The following FER variants were observed in gnomAD, a reference collection of about 807,000 sequenced individuals.
FER encodes the protein FER tyrosine kinase.
In FER, 63 loss-of-function variants were observed where a neutral mutation model predicts 111.0. The ratio of observed to expected loss-of-function variants is 0.57; its 90% CI spans 0.46 to 0.70. The LOEUF is 0.70. Ranked by LOEUF, FER falls within the 30% of genes least tolerant of loss-of-function variation. The probability of loss-of-function intolerance (pLI) is 0.00; values close to 1 mark genes in which losing one functional copy is unlikely to be tolerated. For missense variants in FER, 914 were observed against 954.0 expected (o/e 0.96, Z 0.55); for synonymous variants, 327 against 313.9 (o/e 1.04, Z -0.44).
chr5:108,761,719 C>T (rs962914175), intron 1 of FER, among the ~76,000 whole-genome samples: 3 of 152,004 alleles, frequency 2.0e-5, no homozygotes, highest in South Asian at 2.1e-4. Context: ...TGCAGAAAGT[C>T]GAAGTGCAAT....
rs138732566 is a variant in FER at position 108,998,039 on chromosome 5, T to C, written c.1656+38692T>C. 4.4e-4 allele frequency among the ~76,000 whole-genome samples: 67 copies of C among 152,116 alleles called. 1 individual carries two copies. Among genetic ancestry groups the C allele is most frequent in the African/African-American group, 1.5e-3 (62 of 41,504 alleles). On this transcript the variant is annotated intron_variant, in intron 13 of 19. Transcript: ENST00000281092. ...TCAACTGCTGTGCTGGCAGTGAGAATTTTATGCCAGTGGATCTTAGCTTGC... is the reference window on the plus strand; with the variant it reads ...TCAACTGCTGTGCTGGCAGTGAGAACTTTATGCCAGTGGATCTTAGCTTGC...
intron 10 of FER, among the ~76,000 whole-genome samples, chr5:108,925,149 C>G (rs1330050506): frequency 6.6e-6 from 1 of 150,478 alleles, no homozygotes; most frequent in Non-Finnish European, 1.5e-5. Flanking sequence ...AGATTTTAAA[C>G]TGAGCCATGT....
chr5:109,182,956 C>T (rs1191270639), intron 18 of FER, among the ~76,000 whole-genome samples: 2 of 152,168 alleles, frequency 1.3e-5, no homozygotes, highest in East Asian at 3.9e-4. Flanking sequence ...GTCCTCCCAC[C>T]TCATCCTCCA....
chr5:108,865,891 A>G (rs1050013132), intron 5 of FER, among the ~76,000 whole-genome samples: 5 of 152,210 alleles, frequency 3.3e-5, no homozygotes, highest in Non-Finnish European at 7.3e-5. Context: ...ATGAGATACC[A>G]TCTCACACCA....
intron 17 of FER, among the ~76,000 whole-genome samples, chr5:109,105,751 C>T (rs1748838852): frequency 6.6e-6 from 1 of 152,154 alleles, no homozygotes; most frequent in Non-Finnish European, 1.5e-5. Flanking sequence ...ATTAGTAACC[C>T]TAACAGCTGG....
At chr5:109,161,247 A>G (rs1359706750) in intron 17 of FER, among the ~76,000 whole-genome samples, 1 of 152,006 alleles carries the variant, frequency 6.6e-6, no homozygotes, top group Non-Finnish European at 1.5e-5. Context: ...TAAAATTATG[A>G]GGCCATAAGT....
chr5:108,808,790 A>G (rs931906631), intron 3 of FER, among the ~76,000 whole-genome samples: 1 of 152,052 alleles, frequency 6.6e-6, no homozygotes, highest in Admixed American at 6.6e-5. Context: ...CCTGGTATAG[A>G]ATTCTGTTAG....
At chr5:109,064,301 A>T (rs754032779) in intron 16 of FER, among the ~76,000 whole-genome samples, 2 of 151,784 alleles carry the variant, frequency 1.3e-5, no homozygotes, top group African/African-American at 2.4e-5. Context: ...TTTTAGATAT[A>T]CTCTCTTAGT....
chr5:108,975,356 A>G (rs1761199450), intron 13 of FER, among the ~76,000 whole-genome samples: 1 of 152,226 alleles, frequency 6.6e-6, no homozygotes, highest in African/African-American at 2.4e-5. Flanking sequence ...ACCATGACAC[A>G]TGTATACCTA....
At chr5:109,127,978 G>T (rs1751928849) in intron 17 of FER, among the ~76,000 whole-genome samples, 1 of 152,002 alleles carries the variant, frequency 6.6e-6, no homozygotes, top group South Asian at 2.1e-4. Context: ...TGTTTTTACA[G>T]TACTGCTTTA....
intron 10 of FER, among the ~76,000 whole-genome samples, chr5:108,933,243 T>C (rs558856223): frequency 1.6e-3 from 246 of 152,358 alleles, no homozygotes; most frequent in African/African-American, 5.7e-3. Flanking sequence ...CGTTTAAGTC[T>C]TTAATCTATC....
At chr5:109,149,035 C>T (rs1017023572) in intron 17 of FER, among the ~76,000 whole-genome samples, 11 of 152,084 alleles carry the variant, frequency 7.2e-5, no homozygotes, top group African/African-American at 2.7e-4. Context: ...CAATCAGGGT[C>T]TCTAAAAGGT....
chr5:108,757,072 A>G (rs1162813029), intron 1 of FER, among the ~76,000 whole-genome samples: 1 of 152,210 alleles, frequency 6.6e-6, no homozygotes, highest in Non-Finnish European at 1.5e-5. Flanking sequence ...TTATAAAATG[A>G]TACTGGGATT....
intron 3 of FER, among the ~76,000 whole-genome samples, chr5:108,829,593 C>T (rs566217037): frequency 1.1e-4 from 16 of 152,220 alleles, no homozygotes; most frequent in East Asian, 3.9e-4. Context: ...GAGCCATGAT[C>T]GTGCCATTGC....
rs144068288 is a variant in FER at position 109,123,444 on chromosome 5, A to G, written c.2048+22925A>G. 1.0e-3 allele frequency among the ~76,000 whole-genome samples: 156 copies of G among 150,602 alleles called. 1 individual carries two copies. The East Asian group carries it at 0.027, about 26-fold the overall frequency. On this transcript the variant is annotated intron_variant, in intron 17 of 19. Transcript: ENST00000281092. ...TGCTGGGATTACAGGTGTGAGCCACATCACCCAGCCTTGTTTTTTTGTTGG... is the reference window on the plus strand; with the variant it reads ...TGCTGGGATTACAGGTGTGAGCCACGTCACCCAGCCTTGTTTTTTTGTTGG...
chr5:108,936,177 G>A (rs1216372361), intron 10 of FER, among the ~76,000 whole-genome samples: 1 of 151,936 alleles, frequency 6.6e-6, no homozygotes, highest in Non-Finnish European at 1.5e-5. Flanking sequence ...GATTCATTGG[G>A]AGCAAAGGGA....
At chr5:109,021,964 TATAA>T (rs1387071280) in intron 13 of FER, among the ~76,000 whole-genome samples, 1 of 152,042 alleles carries the variant, frequency 6.6e-6, no homozygotes, top group Non-Finnish European at 1.5e-5. Flanking sequence ...ACAAATAATT[TATAA>T]GATAATTATA....
At chr5:109,064,382 A>T (rs1392168293) in intron 16 of FER, among the ~76,000 whole-genome samples, 1 of 152,150 alleles carries the variant, frequency 6.6e-6, no homozygotes, top group Non-Finnish European at 1.5e-5. Context: ...GAGCTAAATG[A>T]TAAAGACATT....
rs191347728 is a variant in FER at position 108,802,770 on chromosome 5, A to G, written c.207+4381A>G. Among the ~76,000 whole-genome samples the G allele has an allele frequency of 3.3e-5, 5 of 152,086 alleles. No individual in the cohort carries two copies. The East Asian group carries it at 9.7e-4, about 29-fold the overall frequency. ...TCACTCAGAGCGGTATCACCTTAAA[A>G]CTTACGAATTTTCTGTTTTCTGTTT... On this transcript the variant is annotated intron_variant, in intron 3 of 19. Coordinates refer to ENST00000281092, the MANE Select transcript of FER (RefSeq NM_005246.4).
Sources: gnomAD v4.1 joint callset for allele counts (sites outside exome capture counted in the v4.1 genomes callset) on GRCh38, gnomAD v4.1.1 for gene constraint, MANE v1.5 for transcripts, NCBI Gene and HGNC (gene_info 2026-07-23, HGNC 2026-07-21) for gene names.